The following SRC variants were observed in gnomAD, a reference collection of about 807,000 sequenced individuals.
The protein encoded by SRC is SRC proto-oncogene, non-receptor tyrosine kinase, also known as proto-oncogene tyrosine-protein kinase Src.
In SRC, 13 loss-of-function variants were observed where a neutral mutation model predicts 62.9. That is an observed-to-expected ratio of 0.21 (90% confidence interval 0.13 to 0.33). SRC has a LOEUF of 0.33. SRC is among the 10% of genes least tolerant of loss of function. SRC has a pLI of 1.00. For synonymous variants in SRC, 302 were observed against 317.5 expected (o/e 0.95, Z 0.52); for missense variants, 457 against 737.3 (o/e 0.62, Z 4.40).
intron 2 of SRC, among the ~76,000 whole-genome samples, chr20:37,366,769 C>A (rs762123118): frequency 3.3e-5 from 5 of 152,024 alleles, no homozygotes; most frequent in Non-Finnish European, 5.9e-5. Flanking sequence ...TTTTATTTAT[C>A]CATTCATCAG....
intron 11 of SRC, chr20:37,401,892 G>C: frequency 2.1e-6 from 1 of 469,854 alleles, no homozygotes; most frequent in South Asian, 4.6e-5. Context: ...CTGGGCATCA[G>C]GGGTCACTGA....
chr20:37,358,254 T>C (rs192345498), intron 1 of SRC, among the ~76,000 whole-genome samples: 8 of 152,260 alleles, frequency 5.3e-5, no homozygotes, highest in Non-Finnish European at 1.2e-4. Context: ...TTGATCGCTG[T>C]TGTTTTTGTG....
At chr20:37,401,898 A>G (rs1474620146) in intron 11 of SRC, 1 of 460,738 alleles carries the variant, frequency 2.2e-6, no homozygotes, top group Non-Finnish European at 3.8e-6. Context: ...ATCAGGGGTC[A>G]CTGACTTACT....
chr20:37,378,844 G>A (rs2070315958), intron 2 of SRC, among the ~76,000 whole-genome samples: 1 of 152,208 alleles, frequency 6.6e-6, no homozygotes, highest in Non-Finnish European at 1.5e-5. Context: ...ACTGGAGATA[G>A]ACAGGGTGGA....
Position 37,402,363 on chromosome 20 carries a change from C to T in SRC, c.1117-72C>T, listed in dbSNP as rs1370496243. 2 of 1,564,954 alleles carry T rather than the reference C, an allele frequency of 1.3e-6. No individual in the cohort carries two copies. Among genetic ancestry groups the T allele is most frequent in the East Asian group, 4.5e-5 (2 of 44,296 alleles). On this transcript the variant is annotated intron_variant, in intron 11 of 13. Transcript: ENST00000373578. This position sits in a 1 kb window ranked among gnomAD's most constrained non-coding sequence, Gnocchi z 6.2. Reference sequence around the variant, plus strand: ...GGGGAAGGGGTGGTTGGCTCTCCAGCCCCAGAGTGCTCTGTGGCCCTGGGA... The same window carrying T: ...GGGGAAGGGGTGGTTGGCTCTCCAGTCCCAGAGTGCTCTGTGGCCCTGGGA...
chr20:37,348,073 C>T (rs1167076469), intron 1 of SRC, among the ~76,000 whole-genome samples: 1 of 152,160 alleles, frequency 6.6e-6, no homozygotes, highest in African/African-American at 2.4e-5. Context: ...TAGGCCCTCC[C>T]GCGTGCCCCT....
intron 2 of SRC, 42 bp downstream of exon 2, chr20:37,365,319 AACACACACACACACACACACACACAC>A (rs56153701): frequency 2.1e-4 from 28 of 130,866 alleles, no homozygotes; most frequent in Non-Finnish European, 3.3e-4. Flanking sequence ...AAAAGACATC[AACACACACACACACACACACACACAC>A]ACACACACAC....
Position 37,402,604 on chromosome 20 carries a change from G to T in SRC, c.1270+16G>T. ...GCGCGGCAAGGTGGGCAGGGGCTGT[G>T]TGGTATGTCGCGCTTGGCCTGGGAC... On this transcript the variant is annotated intron_variant, in intron 12 of 13. Transcript: ENST00000373578. The surrounding 1 kb of genome is among the most constrained non-coding windows in gnomAD (Gnocchi z 6.2). 6.2e-7 allele frequency: 1 copy of T among 1,602,800 alleles called. No homozygotes were observed. The highest frequency in any genetic ancestry group is 8.5e-7 in the Non-Finnish European group (1 of 1,172,762).
intron 1 of SRC, among the ~76,000 whole-genome samples, chr20:37,364,962 C>A (rs2070038733): frequency 6.6e-6 from 1 of 152,148 alleles, no homozygotes; most frequent in African/African-American, 2.4e-5. Flanking sequence ...CCCTAGGAAG[C>A]CTTTCCCAGT....
rs949125879 is a variant in SRC, at chr20:37,380,169, C to T, written c.-172-2450C>T. Among the ~76,000 whole-genome samples the T allele has an allele frequency of 1.2e-4, 18 of 152,028 alleles. 1 individual carries two copies. Among genetic ancestry groups the T allele is most frequent in the Admixed American group, 9.8e-4 (15 of 15,262 alleles). On this transcript the variant is annotated intron_variant, in intron 2 of 13. Transcript: ENST00000373578. ...TCAGTGGGCCATTCTTGCTCAAGGA[C>T]GTTCTGCTCGGAGCTTTCTCAGGCT...
At chr20:37,382,247 C>A (rs971282233) in intron 2 of SRC, among the ~76,000 whole-genome samples, 2 of 152,138 alleles carry the variant, frequency 1.3e-5, no homozygotes, top group East Asian at 1.9e-4. Flanking sequence ...CCCCTAGCAC[C>A]CTACAGTGTC....
intron 5 of SRC, among the ~76,000 whole-genome samples, chr20:37,386,998 T>C (rs1192941985): frequency 6.6e-6 from 1 of 152,032 alleles, no homozygotes; most frequent in Non-Finnish European, 1.5e-5. Flanking sequence ...GCCAGTGAAG[T>C]TATCTGGCAG....
At position 37,367,624 on chromosome 20, in the gene SRC, G is replaced by A. The variant is rs1361214728; in HGVS notation, c.-173+2347G>A. ...CAAGTACCTAGGACTATAAGTGCAT[G>A]CCACCATGCCTGACTTAATTTTTTT... On this transcript the variant is annotated intron_variant, in intron 2 of 13. Coordinates refer to ENST00000373578, the MANE Select transcript of SRC (RefSeq NM_198291.3). Among the ~76,000 whole-genome samples, 4 of 151,240 alleles carry A rather than the reference G, an allele frequency of 2.6e-5. No individual in the cohort carries two copies. The East Asian group carries it at 7.8e-4, about 29-fold the overall frequency.
At position 37,373,153 on chromosome 20, in the gene SRC, C is replaced by A. The variant is rs1568627980; in HGVS notation, c.-173+7876C>A. 2.5e-3 allele frequency among the ~76,000 whole-genome samples: 306 copies of A among 121,770 alleles called. 2 individuals are homozygous for A. The highest frequency in any genetic ancestry group is 0.012 in the African/African-American group (288 of 23,976). The allele number at this position is 121,770 out of a possible 152,430, so 79.9% of individuals were successfully genotyped here. On this transcript the variant is annotated intron_variant, in intron 2 of 13. Coordinates refer to ENST00000373578, the MANE Select transcript of SRC (RefSeq NM_198291.3). ...ATATATACACATATGTACATATACACACATACACACATATATGTACACACA... is the reference window on the plus strand; with the variant it reads ...ATATATACACATATGTACATATACAAACATACACACATATATGTACACACA...
chr20:37,374,581 T>G (rs894315514), intron 2 of SRC, among the ~76,000 whole-genome samples: 2 of 147,194 alleles, frequency 1.4e-5, no homozygotes, highest in African/African-American at 5.0e-5. Flanking sequence ...CTTTTTTTTT[T>G]TTTTTTTTTT....
intron 2 of SRC, among the ~76,000 whole-genome samples, chr20:37,373,300 C>A (rs1181392318): frequency 1.3e-5 from 2 of 151,668 alleles, no homozygotes; most frequent in Non-Finnish European, 2.9e-5. Context: ...CATATGTACA[C>A]ATGCACACAT....
intron 2 of SRC, among the ~76,000 whole-genome samples, chr20:37,379,469 G>A (rs1430666507): frequency 6.6e-6 from 1 of 152,052 alleles, no homozygotes; most frequent in African/African-American, 2.4e-5. Context: ...GCAGCCCTCC[G>A]AGACTAACTC....
intron 2 of SRC, among the ~76,000 whole-genome samples, chr20:37,374,927 T>C (rs543901133): frequency 6.6e-6 from 1 of 151,844 alleles, no homozygotes; most frequent in South Asian, 2.1e-4. Context: ...CTTCAATTTC[T>C]TTTTCTATTC....
intron 1 of SRC, among the ~76,000 whole-genome samples, chr20:37,346,734 C>T (rs1484478121): frequency 6.6e-6 from 1 of 152,178 alleles, no homozygotes; most frequent in Non-Finnish European, 1.5e-5. Context: ...GGCCGAACTG[C>T]CAGGACCTCC....
Sources: allele counts gnomAD v4.1 joint callset (sites outside exome capture counted in the v4.1 genomes callset), GRCh38; gene constraint gnomAD v4.1.1; non-coding constraint Gnocchi (gnomAD v3.1); transcripts MANE v1.5; gene names NCBI Gene and HGNC (gene_info 2026-07-23, HGNC 2026-07-21).